DIPK1A: variants seen among roughly 807,000 people sequenced by gnomAD.
DIPK1A encodes the protein divergent protein kinase domain 1A.
DIPK1A carries 27 observed loss-of-function variants against 40.8 expected under a neutral mutation model. The ratio of observed to expected loss-of-function variants is 0.66; its 90% CI spans 0.49 to 0.91. The LOEUF is 0.91. Ranked by LOEUF, DIPK1A falls within the 40% of genes least tolerant of loss-of-function variation. The pLI is 0.00. For missense variants in DIPK1A, 412 were observed against 505.7 expected, an observed-to-expected ratio of 0.81 and a Z score of 1.78; for synonymous variants, 166 against 171.3, an observed-to-expected ratio of 0.97 and a Z score of 0.24.
At position 92,843,636 on chromosome 1, in the gene DIPK1A, G is replaced by C; in HGVS notation, c.1034C>G (p.Thr345Ser). Residue 345 changes from threonine (T) to serine (S), a missense_variant, in exon 5 of 5, where the codon ACT becomes AGT. Coordinates refer to ENST00000370310, the MANE Select transcript of DIPK1A (RefSeq NM_001006605.5). ...LDCVYGTDCR[T>S]SCDQSTMKCT... The stretch of plus-strand genomic sequence containing the variant: ...CTTCATTGTACTCTGATCACAGCTA[G>C]TTCTACAATCTGTGCCATAGACACA... The C allele has an allele frequency of 6.4e-7, 1 of 1,551,778 alleles. No homozygotes were observed.
downstream of DIPK1A, chr1:92,837,374 T>G (rs1326828797): frequency 8.5e-7 from 1 of 1,182,600 alleles, no homozygotes; most frequent in Admixed American, 1.7e-5. Context: ...AAGACGGGAC[T>G]GATGGCAGCT....
chr1:92,914,586 T>C (rs558402790), intron 1 of DIPK1A, among the ~76,000 whole-genome samples: 1 of 151,262 alleles, frequency 6.6e-6, no homozygotes, highest in African/African-American at 2.4e-5. Context: ...CTGGCCAACA[T>C]GGTGAAACCC....
chr1:92,897,951 T>C (rs950886857), intron 1 of DIPK1A, among the ~76,000 whole-genome samples: 1 of 152,060 alleles, frequency 6.6e-6, no homozygotes, highest in African/African-American at 2.4e-5. Flanking sequence ...ATACAAAAAT[T>C]AGCCATGCGT....
chr1:92,922,503 C>T (rs1177582113), intron 1 of DIPK1A, among the ~76,000 whole-genome samples: 1 of 152,042 alleles, frequency 6.6e-6, no homozygotes, highest in African/African-American at 2.4e-5. Context: ...TAAGTGTAAT[C>T]CAGATGCCAA....
At chr1:92,961,139 C>T (rs1285481411) in intron 1 of DIPK1A, among the ~76,000 whole-genome samples, 3 of 151,826 alleles carry the variant, frequency 2.0e-5, no homozygotes, top group Non-Finnish European at 2.9e-5. Context: ...CGACTCGGGC[C>T]CTGGAGCCCG....
intron 1 of DIPK1A, among the ~76,000 whole-genome samples, chr1:92,878,604 A>G (rs1571083442): frequency 6.6e-6 from 1 of 152,132 alleles, no homozygotes; most frequent in African/African-American, 2.4e-5. Context: ...GCGGATCACG[A>G]GGTCAGGAGA....
downstream of DIPK1A, chr1:92,841,886 T>G (rs1372565211): frequency 4.5e-6 from 7 of 1,569,390 alleles, no homozygotes; most frequent in Non-Finnish European, 6.1e-6. Context: ...TTTCTATGAT[T>G]TTTTCAGATA....
intron 2 of DIPK1A, among the ~76,000 whole-genome samples, chr1:92,851,925 T>A (rs1217467697): frequency 6.6e-6 from 1 of 152,110 alleles, no homozygotes; most frequent in South Asian, 2.1e-4. Flanking sequence ...TTTGGCACCA[T>A]GAAATAGTAA....
chr1:92,868,272 T>A (rs1038061613), intron 2 of DIPK1A, among the ~76,000 whole-genome samples: 8 of 152,218 alleles, frequency 5.3e-5, no homozygotes, highest in Non-Finnish European at 1.2e-4. Context: ...ATGGTTTAGC[T>A]GCTAGTAATC....
At chr1:92,872,091 T>C (rs955628512) in intron 2 of DIPK1A, among the ~76,000 whole-genome samples, 2 of 132,132 alleles carry the variant, frequency 1.5e-5, no homozygotes, top group Non-Finnish European at 3.2e-5. Context: ...TTTTTTTTTT[T>C]TTTTTTGAGA....
intron 1 of DIPK1A, among the ~76,000 whole-genome samples, chr1:92,911,726 C>T (rs967530783): frequency 2.6e-5 from 4 of 151,994 alleles, no homozygotes; most frequent in South Asian, 2.1e-4. Flanking sequence ...TTAGGCCAGG[C>T]GCAGTGGCTC....
intron 2 of DIPK1A, among the ~76,000 whole-genome samples, chr1:92,875,493 G>A (rs1648074818): frequency 6.6e-6 from 1 of 152,134 alleles, no homozygotes; most frequent in South Asian, 2.1e-4. Context: ...AAGGAGGGCG[G>A]ATCACTTGAG....
intron 2 of DIPK1A, among the ~76,000 whole-genome samples, chr1:92,872,059 T>C (rs1244643365): frequency 6.7e-6 from 1 of 150,232 alleles, no homozygotes; most frequent in East Asian, 1.9e-4. Flanking sequence ...CTGATTCTTT[T>C]TCTTTAAATC....
intron 4 of DIPK1A, 113 bp from the exon 5 acceptor site, chr1:92,844,308 T>A: frequency 1.5e-6 from 1 of 667,322 alleles, no homozygotes. Flanking sequence ...TGGTACTGAA[T>A]CCCCAAACAG....
At chr1:92,918,893 A>C (rs1300910331) in intron 1 of DIPK1A, among the ~76,000 whole-genome samples, 1 of 152,110 alleles carries the variant, frequency 6.6e-6, no homozygotes, top group Non-Finnish European at 1.5e-5. Context: ...TGCAGTTCAC[A>C]ACAGGGTTCC....
At chr1:92,915,342 G>C (rs921541293) in intron 1 of DIPK1A, among the ~76,000 whole-genome samples, 1 of 152,144 alleles carries the variant, frequency 6.6e-6, no homozygotes, top group Non-Finnish European at 1.5e-5. Context: ...ATCCATGAGC[G>C]AGTAGTTTAC....
intron 1 of DIPK1A, among the ~76,000 whole-genome samples, chr1:92,957,340 C>G (rs1197735447): frequency 6.6e-6 from 1 of 152,212 alleles, no homozygotes; most frequent in Non-Finnish European, 1.5e-5. Context: ...AATACATCCA[C>G]AGTTTCTGAT....
At chr1:92,888,977 C>A (rs571042372) in intron 1 of DIPK1A, among the ~76,000 whole-genome samples, 2 of 152,262 alleles carry the variant, frequency 1.3e-5, no homozygotes, top group East Asian at 3.9e-4. Flanking sequence ...TCTCTTCACT[C>A]TGTTGATTTT....
intron 1 of DIPK1A, among the ~76,000 whole-genome samples, chr1:92,882,945 A>G (rs1648443733): frequency 6.6e-6 from 1 of 152,228 alleles, no homozygotes. Flanking sequence ...TTAGAATGTT[A>G]AACAGCTTTG....
Sources: gnomAD v4.1 joint callset for allele counts (sites outside exome capture counted in the v4.1 genomes callset) on GRCh38, gnomAD v4.1.1 for gene constraint, MANE v1.5 for transcripts, NCBI Gene and HGNC (gene_info 2026-07-23, HGNC 2026-07-21) for gene names.